The following PRKCE variants were observed in gnomAD, a reference collection of about 807,000 sequenced individuals.
The protein encoded by PRKCE is protein kinase C epsilon type.
In PRKCE, 16 loss-of-function variants were observed where a neutral mutation model predicts 85.4. That is an observed-to-expected ratio of 0.19 (90% CI 0.13 to 0.28). The LOEUF is 0.28. Ranked by LOEUF, PRKCE falls within the 10% of genes least tolerant of loss-of-function variation. The probability of loss-of-function intolerance (pLI) is 1.00; values close to 1 mark genes in which losing one functional copy is unlikely to be tolerated. For synonymous variants in PRKCE, 388 were observed against 371.5 expected (o/e 1.04, Z -0.51); for missense variants, 573 against 975.2 (o/e 0.59, Z 5.49).
At chr2:45,775,994 T>C (rs1685719456) in intron 1 of PRKCE, among the ~76,000 whole-genome samples, 1 of 152,208 alleles carries the variant, frequency 6.6e-6, no homozygotes, top group African/African-American at 2.4e-5. Context: ...CAAATCTTTG[T>C]TGTAATGTGC....
chr2:45,918,440 C>T lies in PRKCE; in HGVS notation c.413-57989C>T, dbSNP rs895854616. On this transcript the variant is annotated intron_variant, in intron 2 of 14. Coordinates refer to ENST00000306156, the MANE Select transcript of PRKCE (RefSeq NM_005400.3). Reference sequence around the variant, plus strand: ...TCATTGTACCAAACAATTTTATCAACAATACATATTTAAGATTCAGCCTCT... The same window carrying T: ...TCATTGTACCAAACAATTTTATCAATAATACATATTTAAGATTCAGCCTCT... Among the ~76,000 whole-genome samples the T allele has an allele frequency of 9.2e-4, 140 of 152,298 alleles. 1 individual carries two copies. The highest frequency in any genetic ancestry group is 3.2e-3 in the African/African-American group (134 of 41,558).
chr2:46,048,150 C>T (rs544261358), intron 10 of PRKCE, among the ~76,000 whole-genome samples: 7 of 150,224 alleles, frequency 4.7e-5, no homozygotes, highest in African/African-American at 1.7e-4. Context: ...TAGTGACTTG[C>T]TTATGGGCAC....
chr2:45,678,970 G>T (rs950522339), intron 1 of PRKCE, among the ~76,000 whole-genome samples: 1 of 152,022 alleles, frequency 6.6e-6, no homozygotes, highest in Non-Finnish European at 1.5e-5. Context: ...AATTGGTCAC[G>T]CAAAAGAAAG....
intron 11 of PRKCE, among the ~76,000 whole-genome samples, chr2:46,100,256 C>T (rs1355826056): frequency 2.2e-4 from 33 of 152,144 alleles, no homozygotes; most frequent in Admixed American, 2.2e-3. Context: ...CCTGTCATTC[C>T]TCGGAAGGTG....
At chr2:45,693,932 G>T (rs1046449183) in intron 1 of PRKCE, among the ~76,000 whole-genome samples, 2 of 152,054 alleles carry the variant, frequency 1.3e-5, no homozygotes, top group Non-Finnish European at 2.9e-5. Context: ...CTTAAGGGAA[G>T]TTAGGGAACA....
At chr2:45,932,764 C>A (rs1455083708) in intron 2 of PRKCE, among the ~76,000 whole-genome samples, 2 of 152,184 alleles carry the variant, frequency 1.3e-5, no homozygotes, top group African/African-American at 4.8e-5. Context: ...AGTTGAAATT[C>A]CGTACCCACG....
rs1041467582 is a variant in PRKCE at position 46,138,067 on chromosome 2, A to T, written c.1593-7026A>T. Among the ~76,000 whole-genome samples the T allele has an allele frequency of 1.3e-5, 2 of 152,162 alleles. No individual in the cohort carries two copies. Among genetic ancestry groups the T allele is most frequent in the Admixed American group, 1.3e-4 (2 of 15,284 alleles). On this transcript the variant is annotated intron_variant, in intron 11 of 14. Coordinates refer to ENST00000306156, the MANE Select transcript of PRKCE (RefSeq NM_005400.3). This position sits in a 1 kb window ranked among gnomAD's most constrained non-coding sequence, Gnocchi z 4.2. ...GCTAGGACTTATTTCTTTCCTGCTC[A>T]GATAGGTTTTATAGAATATTTTAAA...
At chr2:46,007,799 G>C in intron 9 of PRKCE, 138 bp downstream of exon 9, 1 of 930,982 alleles carries the variant, frequency 1.1e-6, no homozygotes, top group South Asian at 1.7e-5. Flanking sequence ...AAGTGCAAAT[G>C]ACCTGAGGCC....
intron 11 of PRKCE, among the ~76,000 whole-genome samples, chr2:46,119,709 T>C (rs1673129596): frequency 6.6e-6 from 1 of 152,166 alleles, no homozygotes; most frequent in Admixed American, 6.5e-5. Context: ...TTTCAACTAG[T>C]GATTGAGAAA....
chr2:45,740,611 G>C (rs1038218990), intron 1 of PRKCE, among the ~76,000 whole-genome samples: 7 of 152,168 alleles, frequency 4.6e-5, no homozygotes, highest in African/African-American at 1.7e-4. Flanking sequence ...CCAGGGGCCT[G>C]ACTTTTCAGT....
intron 2 of PRKCE, among the ~76,000 whole-genome samples, chr2:45,899,538 T>G (rs1423983151): frequency 6.6e-6 from 1 of 152,012 alleles, no homozygotes; most frequent in Non-Finnish European, 1.5e-5. Context: ...AGCCCCACCA[T>G]GTCTGGCTAA....
At chr2:45,974,327 C>G (rs986274475) in intron 2 of PRKCE, among the ~76,000 whole-genome samples, 1 of 152,152 alleles carries the variant, frequency 6.6e-6, no homozygotes, top group African/African-American at 2.4e-5. Flanking sequence ...AGGTCAAGAC[C>G]CCTAGGTTGG....
chr2:45,716,345 T>C (rs1295989951), intron 1 of PRKCE, among the ~76,000 whole-genome samples: 2 of 152,062 alleles, frequency 1.3e-5, no homozygotes, highest in Non-Finnish European at 2.9e-5. Flanking sequence ...GGTGAAACCC[T>C]GTGTCTACCA....
At position 45,744,423 on chromosome 2, in the gene PRKCE, TTCTTTCTTTCTTTCTTTCTTTC is replaced by T. The variant is rs1682873444; in HGVS notation, c.348+91977_348+91998del. Among the ~76,000 whole-genome samples the T allele has an allele frequency of 2.3e-4, 5 of 21,522 alleles. No homozygotes were observed. The South Asian group carries it at 0.012, about 53-fold the overall frequency. 14.1% of individuals were successfully genotyped at this position (21,522 alleles called of 152,430 possible). ...TCTCTCTTTCTTTTCTTTTCTTTCTTTCTTTCTTTCTTTCTTTCTTTCTTTCTTTCTTTCTTTCTTTCTTTCT... is the reference window on the plus strand; with the variant it reads ...TCTCTCTTTCTTTTCTTTTCTTTCTTTTTCTTTCTTTCTTTCTTTCTTTCT... On this transcript the variant is annotated intron_variant, in intron 1 of 14. Transcript: ENST00000306156.
chr2:45,882,216 C>T (rs1420731378), intron 2 of PRKCE, among the ~76,000 whole-genome samples: 9 of 152,122 alleles, frequency 5.9e-5, no homozygotes, highest in African/African-American at 2.2e-4. Context: ...TTGAGGATGC[C>T]ATGGTGATAT....
At chr2:45,979,218 T>C (rs944519189) in intron 4 of PRKCE, among the ~76,000 whole-genome samples, 7 of 152,202 alleles carry the variant, frequency 4.6e-5, no homozygotes, top group Admixed American at 4.6e-4. Flanking sequence ...CCAGGCGTCC[T>C]TGTGATCTCA....
chr2:45,656,276 A>G (rs922028692), intron 1 of PRKCE, among the ~76,000 whole-genome samples: 2 of 152,240 alleles, frequency 1.3e-5, no homozygotes, highest in Admixed American at 6.5e-5. Context: ...GGGCTCTACA[A>G]TACAGAAACA....
chr2:46,135,123 G>C (rs1270269624), intron 11 of PRKCE, among the ~76,000 whole-genome samples: 2 of 152,038 alleles, frequency 1.3e-5, no homozygotes, highest in East Asian at 3.8e-4. Flanking sequence ...GACACCTCAG[G>C]CTTCCAGCTG....
intron 10 of PRKCE, among the ~76,000 whole-genome samples, chr2:46,015,755 G>A (rs1342116235): frequency 1.4e-5 from 2 of 145,976 alleles, no homozygotes; most frequent in African/African-American, 2.5e-5. Flanking sequence ...GTTCTAAAGA[G>A]ACAGCTATGT....
Sources: gnomAD v4.1 joint callset for allele counts (sites outside exome capture counted in the v4.1 genomes callset) on GRCh38, gnomAD v4.1.1 for gene constraint, Gnocchi (gnomAD v3.1) non-coding constraint, MANE v1.5 for transcripts, NCBI Gene and HGNC (gene_info 2026-07-23, HGNC 2026-07-21) for gene names.